The following RTL4 variants were observed in gnomAD, a reference collection of about 807,000 sequenced individuals.
RTL4 encodes retrotransposon Gag like 4, also known as retrotransposon Gag-like protein 4.
Under a neutral mutation model 5.3 loss-of-function variants are expected in RTL4, and 4 were observed. That is an observed-to-expected ratio of 0.75 (90% confidence interval 0.37 to 1.72). The LOEUF is 1.72. Among genes scored for constraint, RTL4 ranks in the 40% most tolerant of loss-of-function variants. The probability of loss-of-function intolerance (pLI) is 0.04; values close to 1 mark genes in which losing one functional copy is unlikely to be tolerated. For missense variants in RTL4, 260 were observed against 227.1 expected (o/e 1.14, Z -0.93); for synonymous variants, 98 against 87.3 (o/e 1.12, Z -0.68).
chrX:112,143,776 T>C, the RTL4 span, among the ~76,000 whole-genome samples: 1 of 111,784 alleles, frequency 8.9e-6, no homozygotes, highest in African/African-American at 3.3e-5. Context: ...AATTTCTGGG[T>C]ATGGGTCCCA....
the RTL4 span, chrX:112,381,566 A>G: frequency 6.7e-6 from 8 of 1,186,856 alleles, no homozygotes; most frequent in Admixed American, 1.1e-4. Context: ...GAAGGTATGG[A>G]ACAGCTATTT....
At chrX:112,206,569 T>TC in the RTL4 span, among the ~76,000 whole-genome samples, 1 of 111,278 alleles carries the variant, frequency 9.0e-6, no homozygotes, top group African/African-American at 3.3e-5. Context: ...CTTTGTTATC[T>TC]CCCCCTTTCC....
chrX:112,341,266 T>G, the RTL4 span, among the ~76,000 whole-genome samples: 1 of 111,011 alleles, frequency 9.0e-6, no homozygotes, highest in African/African-American at 3.3e-5. Flanking sequence ...GGCAATAAAA[T>G]AAGTTCATTA....
chrX:112,223,207 A>G, the RTL4 span, among the ~76,000 whole-genome samples: 4 of 111,810 alleles, frequency 3.6e-5, no homozygotes, highest in Non-Finnish European at 7.5e-5. Flanking sequence ...TATAAATATG[A>G]AAATTTCAAG....
At chrX:112,235,116 T>C in the RTL4 span, among the ~76,000 whole-genome samples, 2 of 111,997 alleles carry the variant, frequency 1.8e-5, no homozygotes, top group East Asian at 2.8e-4. Flanking sequence ...GGGCTGCTCA[T>C]AGAATTACTT....
the RTL4 span, among the ~76,000 whole-genome samples, chrX:112,128,109 A>C: frequency 8.9e-6 from 1 of 111,744 alleles, no homozygotes; most frequent in African/African-American, 3.3e-5. Context: ...AATTATCCTA[A>C]ATATCCCTTA....
At chrX:112,391,137 T>C in the RTL4 span, among the ~76,000 whole-genome samples, 1 of 112,388 alleles carries the variant, frequency 8.9e-6, no homozygotes, top group Non-Finnish European at 1.9e-5. Context: ...TGTGAAATTC[T>C]TGTATTGTGT....
upstream of RTL4, among the ~76,000 whole-genome samples, chrX:112,453,741 C>A (rs1926783162): frequency 1.8e-5 from 2 of 112,091 alleles, no homozygotes; most frequent in South Asian, 7.4e-4. Flanking sequence ...CCTTGGGAAT[C>A]TTATTAAAGT....
the RTL4 span, among the ~76,000 whole-genome samples, chrX:112,301,805 A>G: frequency 9.1e-6 from 1 of 109,422 alleles, no homozygotes; most frequent in African/African-American, 3.3e-5. Flanking sequence ...TTAAAAAAAA[A>G]TGTTTTTAAA....
chrX:112,261,132 GCT>G, the RTL4 span, among the ~76,000 whole-genome samples: 1 of 111,781 alleles, frequency 8.9e-6, no homozygotes, highest in African/African-American at 3.3e-5. Context: ...CATGGGCTCT[GCT>G]CTCAAGGCAG....
the RTL4 span, among the ~76,000 whole-genome samples, chrX:112,165,297 A>G: frequency 4.4e-5 from 5 of 112,566 alleles, no homozygotes; most frequent in African/African-American, 9.7e-5. Context: ...GTAAACAGCA[A>G]CTGTAAGCCT....
the RTL4 span, among the ~76,000 whole-genome samples, chrX:112,338,592 G>T: frequency 1.8e-5 from 2 of 111,748 alleles, no homozygotes; most frequent in Non-Finnish European, 3.8e-5. Context: ...AATTATTTGA[G>T]CATGATATAG....
chrX:112,107,008 T>A, the RTL4 span, among the ~76,000 whole-genome samples: 1 of 111,706 alleles, frequency 9.0e-6, no homozygotes, highest in African/African-American at 3.2e-5. Flanking sequence ...TGTGCAGAAG[T>A]TTTTTAGTTT....
the RTL4 span, among the ~76,000 whole-genome samples, chrX:112,115,348 C>T: frequency 1.4e-4 from 16 of 111,294 alleles, no homozygotes; most frequent in Non-Finnish European, 2.8e-4. Context: ...TGGCCCTTAC[C>T]GACATATTCT....
chrX:112,131,186 AT>A, the RTL4 span, among the ~76,000 whole-genome samples: 1 of 103,720 alleles, frequency 9.6e-6, no homozygotes, highest in Non-Finnish European at 1.9e-5. Flanking sequence ...TATGTTTTAA[AT>A]TAGAATAAAA....
At chrX:112,335,203 C>T in the RTL4 span, among the ~76,000 whole-genome samples, 4 of 112,054 alleles carry the variant, frequency 3.6e-5, no homozygotes, top group South Asian at 1.5e-3. Context: ...TTTCCCACTT[C>T]TTCTTGAATT....
At chrX:112,369,161 A>G in the RTL4 span, among the ~76,000 whole-genome samples, 3 of 113,027 alleles carry the variant, frequency 2.7e-5, no homozygotes, top group Non-Finnish European at 5.6e-5. Flanking sequence ...TCCTGAAATT[A>G]TCCTGGGCAC....
chrX:112,457,503 G>A (rs1398040262), downstream of RTL4, among the ~76,000 whole-genome samples: 1 of 111,533 alleles, frequency 9.0e-6, no homozygotes, highest in Admixed American at 9.5e-5. Flanking sequence ...CTATAATAAA[G>A]GACTAACCTC....
the RTL4 span, among the ~76,000 whole-genome samples, chrX:112,101,825 T>C: frequency 9.1e-6 from 1 of 109,820 alleles, no homozygotes; most frequent in Admixed American, 9.8e-5. Context: ...AGAGGGGACA[T>C]ATAGAAAAGC....
Sources: allele counts gnomAD v4.1 joint callset (sites outside exome capture counted in the v4.1 genomes callset), GRCh38; gene constraint gnomAD v4.1.1; transcripts MANE v1.5; gene names NCBI Gene and HGNC (gene_info 2026-07-23, HGNC 2026-07-21).